ADGRV1: variants seen among roughly 807,000 people sequenced by gnomAD.
The protein encoded by ADGRV1 is G-protein coupled receptor 98.
In ADGRV1, 359 loss-of-function variants were observed where a neutral mutation model predicts 596.2. The observed-to-expected ratio is 0.60, with a 90% CI of 0.55 to 0.66. The LOEUF is 0.66. ADGRV1 is among the 30% of genes least tolerant of loss of function. The pLI is 0.00. For synonymous variants in ADGRV1, 2,681 were observed against 2,679.2 expected, an observed-to-expected ratio of 1.00 and a Z score of -0.02; for missense variants, 7,274 against 7,575.6, an observed-to-expected ratio of 0.96 and a Z score of 1.48.
chr5:90,899,975 A>C (rs1220199315), intron 83 of ADGRV1, among the ~76,000 whole-genome samples: 1 of 152,152 alleles, frequency 6.6e-6, no homozygotes, highest in African/African-American at 2.4e-5. Flanking sequence ...AATAATTCTT[A>C]TTATAGATTT....
chr5:90,853,309 C>T lies in ADGRV1; in HGVS notation c.17230C>T (p.Pro5744Ser), dbSNP rs1483277044. 6.2e-7 allele frequency: 1 copy of T among 1,610,246 alleles called. No individual in the cohort carries two copies. The highest frequency in any genetic ancestry group is 8.5e-7 in the Non-Finnish European group (1 of 1,177,520). Residue 5744 changes from proline to serine, a missense_variant, in exon 80 of 90, where the codon CCA (proline) becomes TCA (serine). Physicochemically the swap from Pro to Ser is moderately conservative, Grantham distance 74. Around this residue, in one of 5 missense-constraint regions of ADGRV1, gnomAD observed 1,874 missense variants for 1,970.2 expected, o/e 0.95. Coordinates refer to ENST00000405460, the MANE Select transcript of ADGRV1 (RefSeq NM_032119.4). Reference protein sequence around the residue: ...EKSKTILDSCPYLSILALHWY... With the variant: ...EKSKTILDSCSYLSILALHWY... ...AAGCAAAACCATCCTTGATAGTTGC[C>T]CATATTTGTCAATATTGGCTCTTCA...
At chr5:90,783,374 G>A in intron 66 of ADGRV1, 49 bp downstream of exon 66, 1 of 1,230,674 alleles carries the variant, frequency 8.1e-7, no homozygotes, top group Non-Finnish European at 1.2e-6. Context: ...TAAGTATTGT[G>A]TTCAAACTCT....
At chr5:90,875,909 T>C (rs1769177427) in intron 83 of ADGRV1, among the ~76,000 whole-genome samples, 1 of 152,206 alleles carries the variant, frequency 6.6e-6, no homozygotes, top group South Asian at 2.1e-4. Context: ...AACTAGTAAA[T>C]GTCTGTAGTG....
Position 90,724,706 on chromosome 5 carries a change from A to C in ADGRV1, c.9749-126A>C, listed in dbSNP as rs959193902. The stretch of plus-strand genomic sequence containing the variant: ...CACTTGTGTCTTTTCACACTCATAC[A>C]CACGTCATGAAAGAATTTTCATTTG... On this transcript the variant is annotated intron_variant, in intron 45 of 89. Transcript: ENST00000405460. 9 of 786,338 alleles carry C rather than the reference A, an allele frequency of 1.1e-5. No homozygotes were observed. In the African/African-American group the frequency reaches 1.4e-4, roughly 12 times the overall value. 48.7% of individuals were successfully genotyped at this position (786,338 alleles called of 1,614,324 possible). A position where few individuals can be genotyped will look rare whatever the true frequency, so the allele number is the denominator to read the frequency against.
At position 90,805,358 on chromosome 5, in the gene ADGRV1, A is replaced by C; in HGVS notation, c.14736A>C (p.Arg4912Ser). 6.2e-7 allele frequency: 1 copy of C among 1,612,650 alleles called. No homozygotes were observed. The change falls in exon 72 of 90, where the codon AGA (arginine) becomes AGC (serine). Residue 4912 changes from arginine to serine, a missense_variant. Transcript: ENST00000405460. ...AGTSHVMISR[R>S]GTYGALSVAW... ...CAAGCCACGTTATGATTTCTAGGAG[A>C]GGCACATATGGAGCTCTCTCGGTTG... is the stretch of plus-strand genomic sequence containing the variant.
chr5:90,580,195 T>C (rs151068260), intron 1 of ADGRV1, among the ~76,000 whole-genome samples: 1,693 of 152,342 alleles, frequency 0.011, 27 homozygotes, highest in African/African-American at 0.039. Context: ...TGATGCAGTT[T>C]CTTCACAGCA....
intron 1 of ADGRV1, among the ~76,000 whole-genome samples, chr5:90,581,502 A>G (rs1346330743): frequency 6.6e-6 from 1 of 152,108 alleles, no homozygotes; most frequent in Non-Finnish European, 1.5e-5. Context: ...TTTTCCTTCT[A>G]ACAGTCAAGT....
At chr5:91,019,741 T>G (rs1783477375) in intron 85 of ADGRV1, among the ~76,000 whole-genome samples, 1 of 152,060 alleles carries the variant, frequency 6.6e-6, no homozygotes, top group Non-Finnish European at 1.5e-5. Flanking sequence ...GTGAAAATAC[T>G]GCTATCTGAG....
intron 25 of ADGRV1, 42 bp downstream of exon 25, chr5:90,676,251 A>G (rs576600982): frequency 2.5e-6 from 4 of 1,575,666 alleles, no homozygotes; most frequent in South Asian, 2.4e-5. Flanking sequence ...TTGCTTGTCT[A>G]CCCATGCTGA....
At chr5:90,695,609 G>T (rs1580771749) in intron 33 of ADGRV1, among the ~76,000 whole-genome samples, 1 of 151,974 alleles carries the variant, frequency 6.6e-6, no homozygotes, top group South Asian at 2.1e-4. Context: ...TGTATTTGTT[G>T]TTTAACTTTT....
chr5:91,107,023 C>T (rs1260292979), intron 87 of ADGRV1, among the ~76,000 whole-genome samples: 1 of 152,058 alleles, frequency 6.6e-6, no homozygotes, highest in Admixed American at 6.6e-5. Flanking sequence ...AGCTGTGGTT[C>T]CCAAACCGTT....
At chr5:90,954,974 G>A (rs1457429837) in intron 83 of ADGRV1, among the ~76,000 whole-genome samples, 7 of 151,872 alleles carry the variant, frequency 4.6e-5, no homozygotes, top group Non-Finnish European at 1.0e-4. Context: ...CTTTATTTGG[G>A]AGGTAATTAG....
intron 29 of ADGRV1, among the ~76,000 whole-genome samples, chr5:90,686,405 C>CT (rs1347993423): frequency 6.6e-6 from 1 of 152,078 alleles, no homozygotes; most frequent in Non-Finnish European, 1.5e-5. Context: ...TGATGTTCCC[C>CT]TTTCTGTGTC....
chr5:91,035,861 T>TATTATATATATATATATATATA, intron 85 of ADGRV1, among the ~76,000 whole-genome samples: 6 of 96,390 alleles, frequency 6.2e-5, no homozygotes, highest in African/African-American at 1.5e-4. Flanking sequence ...TATATATATA[T>TATTATATATATATATATATATA]TATATATATA....
At chr5:90,942,631 A>G (rs2150867054) in intron 83 of ADGRV1, among the ~76,000 whole-genome samples, 1 of 152,278 alleles carries the variant, frequency 6.6e-6, no homozygotes, top group South Asian at 2.1e-4. Context: ...GACTGGCAAA[A>G]GGGGTGGTAA....
chr5:90,781,520 G>GA lies in ADGRV1; in HGVS notation c.13178dup (p.Asn4393LysfsTer2). 6.2e-7 allele frequency: 1 copy of GA among 1,611,530 alleles called. No individual in the cohort carries two copies. The highest frequency in any genetic ancestry group is 8.5e-7 in the Non-Finnish European group (1 of 1,178,684). On this transcript the variant is annotated frameshift_variant, in exon 65 of 90. Coordinates refer to ENST00000405460, the MANE Select transcript of ADGRV1 (RefSeq NM_032119.4). LOFTEE classifies it high-confidence loss of function. ...TCTCCATTGTTCGCATCATAATAATGAAAAATGATAACGCAGAAGGCATCA... is the reference window on the plus strand; with the variant it reads ...TCTCCATTGTTCGCATCATAATAATGAAAAAATGATAACGCAGAAGGCATCA...
intron 1 of ADGRV1, among the ~76,000 whole-genome samples, chr5:90,572,539 C>G (rs1288965030): frequency 1.3e-5 from 2 of 152,078 alleles, no homozygotes. Flanking sequence ...CACCTACAAC[C>G]ATCTTATCTT....
At chr5:91,049,088 C>T (rs1484799302) in intron 85 of ADGRV1, among the ~76,000 whole-genome samples, 3 of 151,658 alleles carry the variant, frequency 2.0e-5, no homozygotes, top group Non-Finnish European at 4.4e-5. Context: ...AAACCAAGAC[C>T]ACTGAACTGA....
chr5:90,895,738 G>T (rs1032344575), intron 83 of ADGRV1, among the ~76,000 whole-genome samples: 2 of 152,140 alleles, frequency 1.3e-5, no homozygotes, highest in South Asian at 4.1e-4. Flanking sequence ...TAATTTGCTG[G>T]TAATAGTTTT....
Sources: gnomAD v4.1 joint callset for allele counts (sites outside exome capture counted in the v4.1 genomes callset) on GRCh38, gnomAD v4.1.1 for gene constraint, gnomAD v4.1.1 regional missense constraint, MANE v1.5 for transcripts, NCBI Gene and HGNC (gene_info 2026-07-23, HGNC 2026-07-21) for gene names.